SKI: variants seen among roughly 807,000 people sequenced by gnomAD.
SKI encodes ski oncogene.
In SKI, 23 loss-of-function variants were observed where a neutral mutation model predicts 59.3. The observed-to-expected ratio is 0.39, with a 90% CI of 0.28 to 0.55. The LOEUF is 0.55. Ranked by LOEUF, SKI falls within the 20% of genes least tolerant of loss-of-function variation. SKI has a pLI of 0.67. For synonymous variants in SKI, 673 were observed against 488.6 expected (o/e 1.38, Z -4.98); for missense variants, 1,017 against 1,038.9 (o/e 0.98, Z 0.29).
intron 1 of SKI, among the ~76,000 whole-genome samples, chr1:2,296,228 A>C (rs533494676): frequency 1.6e-4 from 25 of 151,898 alleles, no homozygotes; most frequent in East Asian, 1.4e-3. Flanking sequence ...AAAAAAACAA[A>C]AAAAAAAAAA....
At chr1:2,258,613 G>A (rs1423703501) in intron 1 of SKI, among the ~76,000 whole-genome samples, 2 of 151,252 alleles carry the variant, frequency 1.3e-5, no homozygotes, top group African/African-American at 4.9e-5. Context: ...GGAGTGCTGT[G>A]ATGTGGTCTT....
In SKI at chr1:2,303,801, G is replaced by T. The variant is rs762654532; in HGVS notation, c.1212-39G>T. 5 of 1,609,698 alleles carry T rather than the reference G, an allele frequency of 3.1e-6. No homozygotes were observed. The East Asian group carries it at 8.9e-5, about 29-fold the overall frequency. On this transcript the variant is annotated intron_variant, in intron 3 of 6. Coordinates refer to ENST00000378536, the MANE Select transcript of SKI (RefSeq NM_003036.4). The surrounding 1 kb of genome is among the most constrained non-coding windows in gnomAD (Gnocchi z 5.6). ...CAGGATGTGTCTGGGTGGTGCTTGG[G>T]GACAGAGGCACCTTCCCGACACCCG...
At chr1:2,260,217 G>A (rs930015393) in intron 1 of SKI, among the ~76,000 whole-genome samples, 5 of 152,178 alleles carry the variant, frequency 3.3e-5, no homozygotes, top group East Asian at 3.9e-4. Context: ...ATGGGTGTGC[G>A]GCGGCATCTC....
intron 1 of SKI, among the ~76,000 whole-genome samples, chr1:2,264,875 G>A (rs149915018): frequency 1.9e-3 from 294 of 151,726 alleles, no homozygotes; most frequent in African/African-American, 6.8e-3. Context: ...GCAGTGGGAC[G>A]ATCTCAGCTC....
At chr1:2,300,964 C>T (rs1479296954) in intron 1 of SKI, among the ~76,000 whole-genome samples, 3 of 152,196 alleles carry the variant, frequency 2.0e-5, no homozygotes, top group East Asian at 1.9e-4. Context: ...TGTTCTCAGG[C>T]GTTGGCTCTC....
At chr1:2,266,809 C>T (rs1261419057) in intron 1 of SKI, among the ~76,000 whole-genome samples, 1 of 152,184 alleles carries the variant, frequency 6.6e-6, no homozygotes, top group Non-Finnish European at 1.5e-5. Context: ...ATATCTGTAG[C>T]TCGTGGGCTC....
Position 2,307,039 on chromosome 1 carries a change from T to C in SKI, c.*274T>C. Reference sequence around the variant, plus strand: ...TGGTCCTCTGCTTGCTGGAACATTCTAACATTTACACTTTTGTTATAAGCT... The same window carrying C: ...TGGTCCTCTGCTTGCTGGAACATTCCAACATTTACACTTTTGTTATAAGCT... On this transcript the variant is annotated 3_prime_UTR_variant, in exon 7 of 7. Transcript: ENST00000378536. 3.7e-6 allele frequency: 1 copy of C among 268,946 alleles called. No homozygotes were observed. 16.7% of individuals were successfully genotyped at this position (268,946 alleles called of 1,614,324 possible). A position where few individuals can be genotyped will look rare whatever the true frequency, so the allele number is the denominator to read the frequency against.
rs1167313431 is a variant in SKI, at chr1:2,268,002, C to T, written c.970-34976C>T. Among the ~76,000 whole-genome samples the T allele has an allele frequency of 6.6e-6, 1 of 152,086 alleles. No homozygotes were observed. Among genetic ancestry groups the T allele is most frequent in the South Asian group, 2.1e-4 (1 of 4,820 alleles). Reference sequence around the variant, plus strand: ...GCAGAGGCCTCCCAGGCTGGGCAGCCGCCACCCCTCTGTGGACGCTACTCA... The same window carrying T: ...GCAGAGGCCTCCCAGGCTGGGCAGCTGCCACCCCTCTGTGGACGCTACTCA... On this transcript the variant is annotated intron_variant, in intron 1 of 6. Coordinates refer to ENST00000378536, the MANE Select transcript of SKI (RefSeq NM_003036.4). This position sits in a 1 kb window ranked among gnomAD's most constrained non-coding sequence, Gnocchi z 5.0.
At chr1:2,255,047 C>G (rs1013825231) in intron 1 of SKI, among the ~76,000 whole-genome samples, 8 of 152,054 alleles carry the variant, frequency 5.3e-5, no homozygotes, top group African/African-American at 1.9e-4. Context: ...GCCAGTTTCT[C>G]TCAGGTGTCG....
rs1306616273 is a variant in SKI at position 2,306,243 on chromosome 1, C to T, written c.1991C>T (p.Ser664Leu). 1.3e-6 allele frequency: 2 copies of T among 1,553,752 alleles called. No homozygotes were observed. The highest frequency in any genetic ancestry group is 1.4e-5 in the African/African-American group (1 of 73,288). Reference protein sequence around the residue: ...CEAGRLRAKYSAQIEDLQVKL... With the variant: ...CEAGRLRAKYLAQIEDLQVKL... ...GCGGGCCGCCTGCGCGCCAAGTACT[C>T]GGCCCAGGTATGCGGGTGGGGAGAC... is the stretch of plus-strand genomic sequence containing the variant. The change falls in exon 6 of 7, where the codon TCG (serine) becomes TTG (leucine). Residue 664 changes from serine to leucine, a missense_variant. Ser to Leu is a moderately radical substitution (Grantham distance 145). Coordinates refer to ENST00000378536, the MANE Select transcript of SKI (RefSeq NM_003036.4).
chr1:2,267,401 G>C lies in SKI; in HGVS notation c.970-35577G>C, dbSNP rs1378430232. On this transcript the variant is annotated intron_variant, in intron 1 of 6. Coordinates refer to ENST00000378536, the MANE Select transcript of SKI (RefSeq NM_003036.4). The surrounding 1 kb of genome is among the most constrained non-coding windows in gnomAD (Gnocchi z 4.1). The stretch of plus-strand genomic sequence containing the variant: ...GAGCAAGGAAGGGGTGTGTTGACAG[G>C]GCCGTTCGGGCCGGAGCAGGTGCGA... 1.3e-5 allele frequency among the ~76,000 whole-genome samples: 2 copies of C among 152,180 alleles called. No homozygotes were observed. The highest frequency in any genetic ancestry group is 2.4e-5 in the African/African-American group (1 of 41,444).
chr1:2,300,727 C>CG (rs1204212054), intron 1 of SKI, among the ~76,000 whole-genome samples: 1 of 152,190 alleles, frequency 6.6e-6, no homozygotes, highest in African/African-American at 2.4e-5. Context: ...GATGAGGGGT[C>CG]GGCAGGGGTC....
chr1:2,304,061 A>AGGACTC lies in SKI; in HGVS notation c.1437_1442dup (p.Asp479_Ser480dup). 6.2e-7 allele frequency: 1 copy of AGGACTC among 1,612,578 alleles called. No individual in the cohort carries two copies. The highest frequency in any genetic ancestry group is 8.5e-7 in the Non-Finnish European group (1 of 1,179,908). ...CCCGTGGCTGCCCCAGAGGAGGACA[A>AGGACTC]GGACTCGGAGGCGGAGGTGGAAGTT... On this transcript the variant is annotated inframe_insertion, in exon 4 of 7. Transcript: ENST00000378536.
At chr1:2,240,384 A>C (rs1377943290) in intron 1 of SKI, 4 of 620,048 alleles carry the variant, frequency 6.5e-6, no homozygotes, top group Non-Finnish European at 6.0e-6. Flanking sequence ...TGGGCCAGGC[A>C]GGTCTGGCTA....
At position 2,306,973 on chromosome 1, in the gene SKI, C is replaced by T. The variant is rs1181763374; in HGVS notation, c.*208C>T. 5 of 328,294 alleles carry T rather than the reference C, an allele frequency of 1.5e-5. No homozygotes were observed. Among genetic ancestry groups the T allele is most frequent in the African/African-American group, 2.2e-5 (1 of 44,954 alleles). The allele number at this position is 328,294 out of a possible 1,614,324, so 20.3% of individuals were successfully genotyped here. ...CAAGTTCAAGTGAGTAAGCCGCGTC[C>T]CCCAACTACAGCTGGAGACGGGGCC... On this transcript the variant is annotated 3_prime_UTR_variant, in exon 7 of 7. Transcript: ENST00000378536.
At chr1:2,288,117 T>C (rs1253363260) in intron 1 of SKI, among the ~76,000 whole-genome samples, 1 of 152,142 alleles carries the variant, frequency 6.6e-6, no homozygotes, top group Non-Finnish European at 1.5e-5. Flanking sequence ...GCCTCCCAAG[T>C]AGCTGGGATC....
chr1:2,275,063 A>G (rs1639711370), intron 1 of SKI, among the ~76,000 whole-genome samples: 1 of 152,104 alleles, frequency 6.6e-6, no homozygotes, highest in Non-Finnish European at 1.5e-5. Flanking sequence ...AGGGGGTGGC[A>G]CCAGGTGTTT....
intron 1 of SKI, among the ~76,000 whole-genome samples, chr1:2,282,465 CTGAGAAGACAGG>C (rs1639913218): frequency 2.5e-5 from 3 of 119,064 alleles, no homozygotes; most frequent in Admixed American, 1.7e-4. Flanking sequence ...GAGAGGACGC[CTGAGAAGACAGG>C]CGGTGGTGGA....
chr1:2,305,606 C>T (rs1300445719), intron 5 of SKI, among the ~76,000 whole-genome samples: 2 of 152,142 alleles, frequency 1.3e-5, no homozygotes, highest in African/African-American at 4.8e-5. Flanking sequence ...AGGCGCCGGG[C>T]GGATGGACGT....
Sources: allele counts gnomAD v4.1 joint callset (sites outside exome capture counted in the v4.1 genomes callset), GRCh38; gene constraint gnomAD v4.1.1; non-coding constraint Gnocchi (gnomAD v3.1); transcripts MANE v1.5; gene names NCBI Gene and HGNC (gene_info 2026-07-23, HGNC 2026-07-21).